Variants in FAM135B observed in about 807,000 individuals in gnomAD.
FAM135B encodes the protein protein FAM135B.
In FAM135B, 43 loss-of-function variants were observed where a neutral mutation model predicts 127.7. That is an observed-to-expected ratio of 0.34 (90% CI 0.26 to 0.43). FAM135B has a LOEUF of 0.43. Ranked by LOEUF, FAM135B falls within the 20% of genes least tolerant of loss-of-function variation. The pLI is 1.00. For missense variants in FAM135B, 1,558 were observed against 1,725.6 expected (o/e 0.90, Z 1.72); for synonymous variants, 670 against 665.1 (o/e 1.01, Z -0.11).
At chr8:138,293,280 C>T (rs1825248376) in intron 3 of FAM135B, among the ~76,000 whole-genome samples, 1 of 152,098 alleles carries the variant, frequency 6.6e-6, no homozygotes, top group Non-Finnish European at 1.5e-5. Context: ...AAATCTAAGT[C>T]CTGAAATCAG....
intron 1 of FAM135B, among the ~76,000 whole-genome samples, chr8:138,485,186 G>A (rs1018972865): frequency 1.3e-5 from 2 of 152,196 alleles, no homozygotes; most frequent in Non-Finnish European, 2.9e-5. Context: ...TTTACAGACT[G>A]TAATTTCGAT....
intron 2 of FAM135B, among the ~76,000 whole-genome samples, chr8:138,351,115 G>T (rs1829752283): frequency 1.3e-5 from 2 of 152,114 alleles, no homozygotes; most frequent in African/African-American, 4.8e-5. Context: ...GCCTTTTTAT[G>T]CTTTTCCAAA....
At chr8:138,316,467 C>T (rs1827101125) in intron 2 of FAM135B, among the ~76,000 whole-genome samples, 1 of 150,640 alleles carries the variant, frequency 6.6e-6, no homozygotes, top group South Asian at 2.1e-4. Context: ...GCACTCCCGC[C>T]TGGGCGACAG....
chr8:138,178,406 G>A (rs16908453), intron 10 of FAM135B, 129 bp downstream of exon 10: 377,698 of 1,057,566 alleles, frequency 0.36, 69,383 homozygotes, highest in African/African-American at 0.49. Context: ...ACCCTGCACG[G>A]TCATGGTAGA....
intron 1 of FAM135B, chr8:138,439,196 G>A (rs996223385): frequency 2.6e-5 from 4 of 152,134 alleles, no homozygotes; most frequent in Admixed American, 1.3e-4. Context: ...CTTTGAGGAG[G>A]CTCCAGTACA....
chr8:138,264,682 A>G (rs1822783053), intron 4 of FAM135B, among the ~76,000 whole-genome samples: 1 of 152,174 alleles, frequency 6.6e-6, no homozygotes, highest in African/African-American at 2.4e-5. Flanking sequence ...TAAATTTTTG[A>G]AAGAATAGAT....
intron 13 of FAM135B, among the ~76,000 whole-genome samples, chr8:138,149,801 G>A (rs934271538): frequency 2.0e-5 from 3 of 151,842 alleles, no homozygotes; most frequent in Admixed American, 1.3e-4. Context: ...GCTCCACCAC[G>A]CGCACATGAA....
chr8:138,313,417 C>T (rs1476668214), intron 2 of FAM135B, among the ~76,000 whole-genome samples: 1 of 151,778 alleles, frequency 6.6e-6, no homozygotes, highest in African/African-American at 2.4e-5. Flanking sequence ...CAGGCGTGAG[C>T]CACCGTGCCT....
intron 2 of FAM135B, among the ~76,000 whole-genome samples, chr8:138,330,836 T>C (rs368447523): frequency 2.6e-5 from 4 of 151,894 alleles, no homozygotes; most frequent in East Asian, 3.9e-4. Context: ...CACTCTCATA[T>C]AAATGTACAT....
rs890403312 is a variant in FAM135B at position 138,235,999 on chromosome 8, A to G, written c.669+6943T>C. 2.0e-5 allele frequency among the ~76,000 whole-genome samples: 3 copies of G among 152,104 alleles called. 1 individual carries two copies. Among genetic ancestry groups the G allele is most frequent in the African/African-American group, 7.2e-5 (3 of 41,426 alleles). ...CTGCAAGGCCAAACCTATGATCTCC[A>G]CGGGTGAGCCAAGGAACTGGGAGGC... On this transcript the variant is annotated intron_variant, in intron 7 of 19. Coordinates refer to ENST00000395297, the MANE Select transcript of FAM135B (RefSeq NM_015912.4).
chr8:138,407,957 G>C (rs1456744610), intron 1 of FAM135B, among the ~76,000 whole-genome samples: 1 of 152,174 alleles, frequency 6.6e-6, no homozygotes, highest in African/African-American at 2.4e-5. Flanking sequence ...CTGAGCCGTA[G>C]GTTTCAACAC....
intron 3 of FAM135B, among the ~76,000 whole-genome samples, chr8:138,272,028 A>G (rs1325182079): frequency 6.6e-6 from 1 of 151,732 alleles, no homozygotes; most frequent in Non-Finnish European, 1.5e-5. Flanking sequence ...TTACTCCTTA[A>G]TTTGTTTATT....
chr8:138,130,090 AC>A lies in FAM135B; in HGVS notation c.*2502del, dbSNP rs1816075013. The A allele has an allele frequency of 6.6e-6, 1 of 152,124 alleles. No individual in the cohort carries two copies. Among genetic ancestry groups the A allele is most frequent in the Non-Finnish European group, 1.5e-5 (1 of 68,024 alleles). The allele number at this position is 152,124 out of a possible 1,614,324, so 9.4% of individuals were successfully genotyped here. A position where few individuals can be genotyped will look rare whatever the true frequency, so the allele number is the denominator to read the frequency against. On this transcript the variant is annotated 3_prime_UTR_variant, in exon 20 of 20. Transcript: ENST00000395297. ...GAAACAACAAATCATAAAAACAAAAACAAAAATTACGCAGAGAATGAAGACA... is the reference window on the plus strand; with the variant it reads ...GAAACAACAAATCATAAAAACAAAAAAAAAATTACGCAGAGAATGAAGACA...
chr8:138,297,060 A>G lies in FAM135B; in HGVS notation c.157+13781T>C, dbSNP rs527623453. 7.2e-5 allele frequency among the ~76,000 whole-genome samples: 11 copies of G among 152,254 alleles called. No homozygotes were observed. In the East Asian group the frequency reaches 2.1e-3, roughly 29 times the overall value. On this transcript the variant is annotated intron_variant, in intron 3 of 19. Transcript: ENST00000395297. ...GCGATGTGACCCAGCCAGGCCTGGCATCTGGGCCCCTCATGTACAGGTGCT... is the reference window on the plus strand; with the variant it reads ...GCGATGTGACCCAGCCAGGCCTGGCGTCTGGGCCCCTCATGTACAGGTGCT...
At chr8:138,403,750 C>T (rs78415683) in intron 1 of FAM135B, among the ~76,000 whole-genome samples, 16 of 151,218 alleles carry the variant, frequency 1.1e-4, no homozygotes, top group African/African-American at 3.9e-4. Flanking sequence ...TTCCCCTCCC[C>T]CAAAGACCTA....
intron 7 of FAM135B, among the ~76,000 whole-genome samples, chr8:138,232,321 C>A (rs1032009948): frequency 6.6e-6 from 1 of 152,174 alleles, no homozygotes; most frequent in Non-Finnish European, 1.5e-5. Context: ...CCATCATGCC[C>A]AGAAATACTG....
intron 1 of FAM135B, among the ~76,000 whole-genome samples, chr8:138,376,663 C>CA (rs1339633093): frequency 6.6e-6 from 1 of 152,202 alleles, no homozygotes; most frequent in East Asian, 1.9e-4. Context: ...TGTGATCTTT[C>CA]AAAGATTCCA....
chr8:138,207,247 T>C (rs1817767809), intron 7 of FAM135B, among the ~76,000 whole-genome samples: 1 of 150,702 alleles, frequency 6.6e-6, no homozygotes, highest in Non-Finnish European at 1.5e-5. Context: ...GAGACTTGTC[T>C]CGCTTTGTTG....
chr8:138,448,643 G>A (rs1005615787), intron 1 of FAM135B, among the ~76,000 whole-genome samples: 1 of 151,990 alleles, frequency 6.6e-6, no homozygotes, highest in African/African-American at 2.4e-5. Flanking sequence ...TGAAGATCTT[G>A]GGACTTCTCA....
Sources: allele counts gnomAD v4.1 joint callset (sites outside exome capture counted in the v4.1 genomes callset), GRCh38; gene constraint gnomAD v4.1.1; transcripts MANE v1.5; gene names NCBI Gene and HGNC (gene_info 2026-07-23, HGNC 2026-07-21).